Variants in SMYD3 observed in about 807,000 individuals in gnomAD.
SMYD3 encodes histone-lysine N-methyltransferase SMYD3.
SMYD3 carries 36 observed loss-of-function variants against 57.7 expected under a neutral mutation model. The ratio of observed to expected loss-of-function variants is 0.62; its 90% CI spans 0.48 to 0.82. The LOEUF (loss-of-function observed/expected upper bound fraction) is 0.82. Among genes scored for constraint, SMYD3 ranks in the 40% least tolerant of loss-of-function variants. The pLI, the probability that SMYD3 is intolerant of heterozygous loss-of-function variation, is 0.00. For missense variants in SMYD3, 515 were observed against 538.8 expected, an observed-to-expected ratio of 0.96 and a Z score of 0.44; for synonymous variants, 211 against 195.0, an observed-to-expected ratio of 1.08 and a Z score of -0.68.
At chr1:245,971,150 A>G (rs1239400686) in intron 5 of SMYD3, among the ~76,000 whole-genome samples, 1 of 152,226 alleles carries the variant, frequency 6.6e-6, no homozygotes, top group Non-Finnish European at 1.5e-5. Context: ...CTTTGCAGGG[A>G]CATGGATGAA....
intron 1 of SMYD3, among the ~76,000 whole-genome samples, chr1:246,434,911 T>C (rs541905349): frequency 6.6e-6 from 1 of 152,268 alleles, no homozygotes; most frequent in South Asian, 2.1e-4. Context: ...TGTACATCAA[T>C]AGTGGTTTAG....
chr1:246,285,400 T>C (rs1047030479), intron 5 of SMYD3, among the ~76,000 whole-genome samples: 1 of 152,142 alleles, frequency 6.6e-6, no homozygotes, highest in Non-Finnish European at 1.5e-5. Context: ...ATTTTTGCAA[T>C]TGTGAACTCT....
At chr1:246,494,396 G>A (rs759403363) in intron 1 of SMYD3, among the ~76,000 whole-genome samples, 4 of 152,018 alleles carry the variant, frequency 2.6e-5, no homozygotes, top group Non-Finnish European at 5.9e-5. Flanking sequence ...TCTCAACTCT[G>A]GCTATGCATT....
chr1:246,045,275 A>T (rs1558178957), intron 5 of SMYD3, among the ~76,000 whole-genome samples: 1 of 152,224 alleles, frequency 6.6e-6, no homozygotes, highest in Non-Finnish European at 1.5e-5. Flanking sequence ...TACTGGTACC[A>T]AAACAGAGAG....
chr1:246,304,086 T>A (rs923077072), intron 5 of SMYD3, among the ~76,000 whole-genome samples: 3 of 152,174 alleles, frequency 2.0e-5, no homozygotes. Flanking sequence ...TAATACATAT[T>A]GGGTCAACAA....
At chr1:246,151,105 G>A (rs1170867112) in intron 5 of SMYD3, among the ~76,000 whole-genome samples, 2 of 152,210 alleles carry the variant, frequency 1.3e-5, no homozygotes, top group Admixed American at 6.5e-5. Context: ...AATTAGCCAG[G>A]CGCGGTGGCG....
chr1:245,918,723 C>A (rs568884140), intron 7 of SMYD3, among the ~76,000 whole-genome samples: 3 of 152,168 alleles, frequency 2.0e-5, no homozygotes, highest in Non-Finnish European at 4.4e-5. Context: ...TCTGTGGGTC[C>A]CAGTTTCCTT....
At chr1:246,377,164 T>C (rs1434998349) in intron 1 of SMYD3, among the ~76,000 whole-genome samples, 1 of 107,030 alleles carries the variant, frequency 9.3e-6, no homozygotes, top group African/African-American at 3.1e-5. Context: ...CATATTTTAA[T>C]AAAAAATAAC....
At chr1:246,339,801 T>C (rs2148678656) in intron 2 of SMYD3, among the ~76,000 whole-genome samples, 2 of 152,340 alleles carry the variant, frequency 1.3e-5, no homozygotes, top group East Asian at 3.9e-4. Context: ...GGGTTTGCTA[T>C]AAAAGAGAGT....
chr1:246,120,350 A>AG (rs1255566421), intron 5 of SMYD3, among the ~76,000 whole-genome samples: 5 of 152,150 alleles, frequency 3.3e-5, no homozygotes, highest in Non-Finnish European at 7.4e-5. Flanking sequence ...TTCATAGATG[A>AG]GGGGTTTCAC....
At position 245,955,874 on chromosome 1, in the gene SMYD3, G is replaced by C. The variant is rs200426452; in HGVS notation, c.532-25937C>G. ...CATTGATGATTTTGCAATTTGTTTT[G>C]GGTTTTTTTTTTTTTTGGCTCAACA... On this transcript the variant is annotated intron_variant, in intron 5 of 11. Coordinates refer to ENST00000490107, the MANE Select transcript of SMYD3 (RefSeq NM_001167740.2). 1.3e-5 allele frequency: 11 copies of C among 831,946 alleles called. No homozygotes were observed. In the African/African-American group the frequency reaches 3.2e-4, roughly 24 times the overall value. 51.5% of individuals were successfully genotyped at this position (831,946 alleles called of 1,614,324 possible). A position where few individuals can be genotyped will look rare whatever the true frequency, so the allele number is the denominator to read the frequency against.
At chr1:246,401,423 C>T (rs1421271308) in intron 1 of SMYD3, among the ~76,000 whole-genome samples, 2 of 152,030 alleles carry the variant, frequency 1.3e-5, no homozygotes, top group South Asian at 2.1e-4. Flanking sequence ...AAACTCTGCC[C>T]CTCAGATTTA....
At chr1:246,401,576 G>T (rs1203906215) in intron 1 of SMYD3, among the ~76,000 whole-genome samples, 1 of 151,972 alleles carries the variant, frequency 6.6e-6, no homozygotes, top group Non-Finnish European at 1.5e-5. Flanking sequence ...CAGGTGATCT[G>T]CCCACCTCAG....
chr1:246,253,494 C>T (rs2063828654), intron 5 of SMYD3, among the ~76,000 whole-genome samples: 1 of 152,114 alleles, frequency 6.6e-6, no homozygotes, highest in African/African-American at 2.4e-5. Context: ...GTATATGTAC[C>T]ACATTTTCTT....
intron 5 of SMYD3, among the ~76,000 whole-genome samples, chr1:246,186,405 A>G (rs982012457): frequency 2.6e-5 from 4 of 152,140 alleles, no homozygotes; most frequent in Non-Finnish European, 4.4e-5. Context: ...AGCACACACA[A>G]TTCTAGTACA....
Position 246,151,326 on chromosome 1 carries a change from A to T in SMYD3, c.531+175875T>A, listed in dbSNP as rs113520259. 1.6e-3 allele frequency among the ~76,000 whole-genome samples: 238 copies of T among 152,174 alleles called. 1 individual carries two copies. The highest frequency in any genetic ancestry group is 5.3e-3 in the African/African-American group (220 of 41,526). Reference sequence around the variant, plus strand: ...TTCAATATCATTTTGTCCTTCTACAAGCAGGATAGATGGACTTCCTGTTAG... The same window carrying T: ...TTCAATATCATTTTGTCCTTCTACATGCAGGATAGATGGACTTCCTGTTAG... On this transcript the variant is annotated intron_variant, in intron 5 of 11. Transcript: ENST00000490107.
At chr1:246,505,979 A>G (rs2068530566) in intron 1 of SMYD3, among the ~76,000 whole-genome samples, 1 of 152,248 alleles carries the variant, frequency 6.6e-6, no homozygotes, top group East Asian at 1.9e-4. Flanking sequence ...AAAGCAACAG[A>G]CAAAATTATT....
At chr1:246,320,501 G>A (rs774499593) in intron 5 of SMYD3, among the ~76,000 whole-genome samples, 7 of 152,104 alleles carry the variant, frequency 4.6e-5, no homozygotes, top group Non-Finnish European at 1.0e-4. Flanking sequence ...GCAGAGCTCC[G>A]GAAACACTAA....
intron 5 of SMYD3, among the ~76,000 whole-genome samples, chr1:245,996,045 ATAT>A (rs941354844): frequency 2.6e-5 from 4 of 152,224 alleles, no homozygotes; most frequent in Non-Finnish European, 5.9e-5. Context: ...ACCCATTATA[ATAT>A]TTAACTTCCC....
Sources: allele counts gnomAD v4.1 joint callset (sites outside exome capture counted in the v4.1 genomes callset), GRCh38; gene constraint gnomAD v4.1.1; transcripts MANE v1.5; gene names NCBI Gene and HGNC (gene_info 2026-07-23, HGNC 2026-07-21).